The following ZNF804B variants were observed in gnomAD, a reference collection of about 807,000 sequenced individuals.
ZNF804B encodes zinc finger 804B.
In ZNF804B, 80 loss-of-function variants were observed where a neutral mutation model predicts 101.4. The ratio of observed to expected loss-of-function variants is 0.79; its 90% CI spans 0.66 to 0.95. The LOEUF is 0.95. Ranked by LOEUF, ZNF804B falls within the 40% of genes least tolerant of loss-of-function variation. The pLI is 0.00. For missense variants in ZNF804B, 1,673 were observed against 1,561.9 expected (o/e 1.07, Z -1.20); for synonymous variants, 622 against 558.8 (o/e 1.11, Z -1.59).
chr7:89,060,576 T>C lies in ZNF804B; in HGVS notation c.109-157579T>C, dbSNP rs148522701. Among the ~76,000 whole-genome samples, 781 of 152,186 alleles carry C rather than the reference T, an allele frequency of 5.1e-3. 4 individuals are homozygous for C. Among genetic ancestry groups the C allele is most frequent in the African/African-American group, 0.017 (714 of 41,532 alleles). The stretch of plus-strand genomic sequence containing the variant: ...TTAAAGATCACAGAAGAGGAGAAAA[T>C]GCAGGTGAAAAAATACAAGAAATCT... On this transcript the variant is annotated intron_variant, in intron 1 of 3. Coordinates refer to ENST00000333190, the MANE Select transcript of ZNF804B (RefSeq NM_181646.5).
chr7:89,129,139 A>G (rs1056406875), intron 1 of ZNF804B, among the ~76,000 whole-genome samples: 1 of 152,014 alleles, frequency 6.6e-6, no homozygotes, highest in Non-Finnish European at 1.5e-5. Context: ...CTTGGGTATT[A>G]ATCCCTAGAT....
At chr7:88,831,124 C>A (rs946908529) in intron 1 of ZNF804B, among the ~76,000 whole-genome samples, 1 of 151,842 alleles carries the variant, frequency 6.6e-6, no homozygotes, top group African/African-American at 2.4e-5. Context: ...CCAGTATATT[C>A]AGAGTTGTGC....
chr7:89,218,253 G>T lies in ZNF804B; in HGVS notation c.207G>T (p.Glu69Asp). The T allele has an allele frequency of 6.2e-7, 1 of 1,613,716 alleles. No individual in the cohort carries two copies. Among genetic ancestry groups the T allele is most frequent in the Non-Finnish European group, 8.5e-7 (1 of 1,179,796 alleles). ...ACAAGCAGTATCACAAACACCAGGA[G>T]TTTGACAATCATATTAATTCTTATG... Reference protein sequence around the residue: ...LCDKQYHKHQEFDNHINSYDH... With the variant: ...LCDKQYHKHQDFDNHINSYDH... Residue 69 changes from glutamate (E) to aspartate (D), a missense_variant, in exon 2 of 4, where the codon GAG (glutamate) becomes GAT (aspartate). Coordinates refer to ENST00000333190, the MANE Select transcript of ZNF804B (RefSeq NM_181646.5).
In ZNF804B at chr7:88,854,402, TCTTTCTTTCTTC is replaced by T. The variant is rs1185103919; in HGVS notation, c.108+94330_108+94341del. On this transcript the variant is annotated intron_variant, in intron 1 of 3. Coordinates refer to ENST00000333190, the MANE Select transcript of ZNF804B (RefSeq NM_181646.5). ...TCTGTACTGCATTTCTTTCTTTCTT[TCTTTCTTTCTTC>T]CTTTCTTTCTTTCTTTCTTTCTTTC... is the stretch of plus-strand genomic sequence containing the variant. 1.1e-3 allele frequency among the ~76,000 whole-genome samples: 139 copies of T among 130,338 alleles called. 3 individuals are homozygous for T. Among genetic ancestry groups the T allele is most frequent in the African/African-American group, 2.9e-3 (95 of 32,234 alleles). 85.5% of individuals were successfully genotyped at this position (130,338 alleles called of 152,430 possible).
At chr7:88,807,165 C>G (rs991528095) in intron 1 of ZNF804B, among the ~76,000 whole-genome samples, 2 of 152,150 alleles carry the variant, frequency 1.3e-5, no homozygotes, top group Admixed American at 1.3e-4. Context: ...AAAACTAAAG[C>G]ATAGCCATGC....
chr7:88,765,780 G>T (rs1789972773), intron 1 of ZNF804B, among the ~76,000 whole-genome samples: 1 of 152,268 alleles, frequency 6.6e-6, no homozygotes, highest in South Asian at 2.1e-4. Flanking sequence ...TTTACTTAGA[G>T]AATAAGATCT....
At chr7:88,970,556 A>G (rs981400293) in intron 1 of ZNF804B, among the ~76,000 whole-genome samples, 2 of 151,482 alleles carry the variant, frequency 1.3e-5, no homozygotes, top group Non-Finnish European at 3.0e-5. Flanking sequence ...TATAAATTAA[A>G]TATTTTATTT....
chr7:89,145,931 G>C (rs1475898278), intron 1 of ZNF804B, among the ~76,000 whole-genome samples: 2 of 151,870 alleles, frequency 1.3e-5, no homozygotes, highest in Non-Finnish European at 2.9e-5. Flanking sequence ...TCTCAATTCT[G>C]TGCTGCATTA....
At chr7:89,185,582 C>A (rs142584707) in intron 1 of ZNF804B, among the ~76,000 whole-genome samples, 1 of 152,190 alleles carries the variant, frequency 6.6e-6, no homozygotes, top group Admixed American at 6.5e-5. Context: ...AGGATCTGGT[C>A]GGGCGCGGTG....
intron 1 of ZNF804B, among the ~76,000 whole-genome samples, chr7:89,095,275 C>G (rs914282554): frequency 1.4e-4 from 21 of 152,112 alleles, no homozygotes; most frequent in Non-Finnish European, 2.9e-5. Flanking sequence ...TCACAAAATG[C>G]CATCTTGGAA....
intron 1 of ZNF804B, among the ~76,000 whole-genome samples, chr7:88,880,050 G>GAAA (rs35762260): frequency 2.1e-5 from 3 of 145,140 alleles, no homozygotes; most frequent in South Asian, 2.2e-4. Context: ...TCTTAAAAAA[G>GAAA]AAAAAAAAAA....
rs192310436 is a variant in ZNF804B at position 89,053,020 on chromosome 7, G to A, written c.109-165135G>A. Among the ~76,000 whole-genome samples the A allele has an allele frequency of 5.9e-5, 9 of 152,136 alleles. No individual in the cohort carries two copies. In the East Asian group the frequency reaches 9.7e-4, roughly 16 times the overall value. ...TTGATTTCTTCTTTAACATTAAATC[G>A]TATTCCAAAAGAATCGCCAACTTCT... On this transcript the variant is annotated intron_variant, in intron 1 of 3. Coordinates refer to ENST00000333190, the MANE Select transcript of ZNF804B (RefSeq NM_181646.5).
At chr7:89,198,709 G>T (rs1224291250) in intron 1 of ZNF804B, among the ~76,000 whole-genome samples, 1 of 151,666 alleles carries the variant, frequency 6.6e-6, no homozygotes, top group Non-Finnish European at 1.5e-5. Flanking sequence ...AAAGTAGTAA[G>T]AATACAATAG....
intron 2 of ZNF804B, among the ~76,000 whole-genome samples, chr7:89,244,693 G>T (rs1047075560): frequency 3.3e-5 from 5 of 152,100 alleles, no homozygotes; most frequent in African/African-American, 9.7e-5. Flanking sequence ...AAGCTATAGA[G>T]TCTAAGAAGA....
intron 2 of ZNF804B, among the ~76,000 whole-genome samples, chr7:89,316,881 A>C (rs1394848419): frequency 6.6e-6 from 1 of 152,188 alleles, no homozygotes; most frequent in South Asian, 2.1e-4. Context: ...CCTAAGTTTG[A>C]GTGTGAAACA....
intron 2 of ZNF804B, among the ~76,000 whole-genome samples, chr7:89,286,717 C>T (rs1404620298): frequency 6.6e-6 from 1 of 152,204 alleles, no homozygotes; most frequent in Non-Finnish European, 1.5e-5. Flanking sequence ...TGACCTTAGA[C>T]AATCTGTCTG....
chr7:88,954,873 C>T (rs1396387604), intron 1 of ZNF804B, among the ~76,000 whole-genome samples: 1 of 151,634 alleles, frequency 6.6e-6, no homozygotes, highest in Admixed American at 6.6e-5. Flanking sequence ...TTTTAGAAGA[C>T]ACTTCCCCAA....
At chr7:88,924,310 A>G (rs1792764189) in intron 1 of ZNF804B, among the ~76,000 whole-genome samples, 1 of 151,766 alleles carries the variant, frequency 6.6e-6, no homozygotes, top group African/African-American at 2.4e-5. Flanking sequence ...TATATTTGCA[A>G]TTCTTTGTCT....
At chr7:89,179,706 A>G (rs1004900592) in intron 1 of ZNF804B, among the ~76,000 whole-genome samples, 17 of 152,156 alleles carry the variant, frequency 1.1e-4, no homozygotes, top group African/African-American at 4.1e-4. Flanking sequence ...GTGGGTGTTC[A>G]TCAATGTGTG....
Sources: allele counts gnomAD v4.1 joint callset (sites outside exome capture counted in the v4.1 genomes callset), GRCh38; gene constraint gnomAD v4.1.1; transcripts MANE v1.5; gene names NCBI Gene and HGNC (gene_info 2026-07-23, HGNC 2026-07-21).